The following NXPH1 variants were observed in gnomAD, a reference collection of about 807,000 sequenced individuals.
NXPH1 encodes neurexophilin-1.
In NXPH1, 5 loss-of-function variants were observed where a neutral mutation model predicts 23.7. That is an observed-to-expected ratio of 0.21 (90% CI 0.11 to 0.44). NXPH1 has a LOEUF of 0.44. Ranked by LOEUF, NXPH1 falls within the 20% of genes least tolerant of loss-of-function variation. NXPH1 has a pLI of 0.99. For missense variants in NXPH1, 324 were observed against 321.6 expected (o/e 1.01, Z -0.06); for synonymous variants, 144 against 122.2 (o/e 1.18, Z -1.18).
chr7:8,710,647 GTTTTTTTTTTT>G (rs1424880912), intron 2 of NXPH1, among the ~76,000 whole-genome samples: 1 of 51,718 alleles, frequency 1.9e-5, no homozygotes, highest in Non-Finnish European at 3.6e-5. Context: ...TACGTTTTTT[GTTTTTTTTTTT>G]TTTTTTTTTT....
intron 2 of NXPH1, among the ~76,000 whole-genome samples, chr7:8,672,729 C>A (rs183050613): frequency 6.6e-6 from 1 of 152,170 alleles, no homozygotes; most frequent in Non-Finnish European, 1.5e-5. Flanking sequence ...TCAACTTATA[C>A]GAACACTGTG....
chr7:8,499,868 G>A (rs1303338033), intron 2 of NXPH1, among the ~76,000 whole-genome samples: 1 of 152,082 alleles, frequency 6.6e-6, no homozygotes, highest in Non-Finnish European at 1.5e-5. Context: ...GACTGGGCCA[G>A]CAAAGAGCCT....
intron 2 of NXPH1, among the ~76,000 whole-genome samples, chr7:8,597,794 T>G (rs1187355492): frequency 3.3e-5 from 5 of 152,050 alleles, no homozygotes; most frequent in Non-Finnish European, 7.4e-5. Flanking sequence ...CAGTCATTCT[T>G]TAGCTACTGT....
At chr7:8,464,405 C>G (rs569994510) in intron 2 of NXPH1, among the ~76,000 whole-genome samples, 1 of 152,108 alleles carries the variant, frequency 6.6e-6, no homozygotes, top group African/African-American at 2.4e-5. Flanking sequence ...GGTTAAAGTC[C>G]AAACTCCTGA....
intron 2 of NXPH1, among the ~76,000 whole-genome samples, chr7:8,483,602 C>T (rs1053741640): frequency 6.6e-6 from 1 of 152,110 alleles, no homozygotes. Context: ...CACCACCACA[C>T]CTGGCTCAAA....
chr7:8,627,473 A>G (rs1206993928), intron 2 of NXPH1, among the ~76,000 whole-genome samples: 1 of 152,192 alleles, frequency 6.6e-6, no homozygotes, highest in Non-Finnish European at 1.5e-5. Context: ...CTAAGTTGCC[A>G]TGGCAGCAGC....
chr7:8,600,195 A>C (rs1819325758), intron 2 of NXPH1, among the ~76,000 whole-genome samples: 1 of 141,586 alleles, frequency 7.1e-6, no homozygotes, highest in Admixed American at 6.8e-5. Flanking sequence ...GGTATAAGAA[A>C]GTAGGCAAAG....
intron 2 of NXPH1, among the ~76,000 whole-genome samples, chr7:8,588,048 A>T (rs1230674232): frequency 6.6e-6 from 1 of 152,204 alleles, no homozygotes; most frequent in Non-Finnish European, 1.5e-5. Flanking sequence ...TGACAATGAG[A>T]TACCATCTCA....
At chr7:8,569,462 T>A (rs953265231) in intron 2 of NXPH1, among the ~76,000 whole-genome samples, 14 of 151,956 alleles carry the variant, frequency 9.2e-5, no homozygotes, top group African/African-American at 3.1e-4. Flanking sequence ...ATAACTATTT[T>A]AAGATATCTG....
At chr7:8,587,985 A>G (rs748258324) in intron 2 of NXPH1, among the ~76,000 whole-genome samples, 12 of 152,156 alleles carry the variant, frequency 7.9e-5, no homozygotes, top group Non-Finnish European at 1.2e-4. Flanking sequence ...TGGCCAACAA[A>G]TGTATGAAAA....
At chr7:8,624,716 G>A (rs935445268) in intron 2 of NXPH1, among the ~76,000 whole-genome samples, 1 of 152,132 alleles carries the variant, frequency 6.6e-6, no homozygotes, top group Admixed American at 6.6e-5. Context: ...CAATTGCAGA[G>A]TGAATGAAAG....
chr7:8,712,933 C>A (rs1343139481), intron 2 of NXPH1, among the ~76,000 whole-genome samples: 6 of 152,094 alleles, frequency 3.9e-5, no homozygotes, highest in Non-Finnish European at 8.8e-5. Context: ...TATTCGGTAA[C>A]TTTCTTGTAC....
intron 2 of NXPH1, among the ~76,000 whole-genome samples, chr7:8,621,908 A>G (rs1313168226): frequency 6.6e-6 from 1 of 152,194 alleles, no homozygotes; most frequent in Non-Finnish European, 1.5e-5. Flanking sequence ...AACCAAGGAC[A>G]GTCTGCCTCT....
chr7:8,696,499 G>A (rs4725119), intron 2 of NXPH1, among the ~76,000 whole-genome samples: 60,993 of 151,938 alleles, frequency 0.4, 12,504 homozygotes, highest in Non-Finnish European at 0.45. Context: ...GGACTTTTTC[G>A]GATCCCATAG....
intron 2 of NXPH1, among the ~76,000 whole-genome samples, chr7:8,510,214 T>G (rs1817590070): frequency 6.6e-6 from 1 of 152,158 alleles, no homozygotes; most frequent in African/African-American, 2.4e-5. Flanking sequence ...ACTTGACATT[T>G]TGCCCATTTT....
intron 2 of NXPH1, among the ~76,000 whole-genome samples, chr7:8,624,370 G>T (rs2115127427): frequency 6.6e-6 from 1 of 152,270 alleles, no homozygotes; most frequent in East Asian, 1.9e-4. Flanking sequence ...ACTCTGAGAA[G>T]ATCAGAGCTA....
intron 2 of NXPH1, among the ~76,000 whole-genome samples, chr7:8,516,411 A>G (rs982656800): frequency 1.7e-4 from 26 of 152,314 alleles, no homozygotes; most frequent in African/African-American, 5.5e-4. Flanking sequence ...ACTGTGAAGT[A>G]ATAAACACAA....
intron 2 of NXPH1, among the ~76,000 whole-genome samples, chr7:8,477,684 G>A (rs12670166): frequency 6.6e-6 from 1 of 151,958 alleles, no homozygotes; most frequent in Non-Finnish European, 1.5e-5. Flanking sequence ...TCCTGCTGCA[G>A]GGATGGTGCT....
chr7:8,632,676 C>T (rs1820154134), intron 2 of NXPH1, among the ~76,000 whole-genome samples: 1 of 152,154 alleles, frequency 6.6e-6, no homozygotes, highest in Non-Finnish European at 1.5e-5. Context: ...CTAGCTTTCT[C>T]CTTGTAAGTT....
Sources: allele counts gnomAD v4.1 joint callset (sites outside exome capture counted in the v4.1 genomes callset), GRCh38; gene constraint gnomAD v4.1.1; transcripts MANE v1.5; gene names NCBI Gene and HGNC (gene_info 2026-07-23, HGNC 2026-07-21).